Variants in IGF1R observed in about 807,000 individuals in gnomAD.
IGF1R encodes the protein insulin-like growth factor 1 receptor.
A neutral mutation model predicts 144.6 loss-of-function variants in IGF1R; 44 were observed. The observed-to-expected ratio is 0.30, with a 90% CI of 0.24 to 0.39. The LOEUF (loss-of-function observed/expected upper bound fraction) is 0.39, where lower values mean the gene tolerates loss of function less well. Among genes scored for constraint, IGF1R ranks in the 10% least tolerant of loss-of-function variants. The probability of loss-of-function intolerance (pLI) is 1.00; values close to 1 mark genes in which losing one functional copy is unlikely to be tolerated. For missense variants in IGF1R, 1,355 were observed against 1,833.7 expected (o/e 0.74, Z 4.77); for synonymous variants, 795 against 722.8 (o/e 1.10, Z -1.60).
chr15:98,650,012 G>C (rs965341335), intron 1 of IGF1R, among the ~76,000 whole-genome samples: 2 of 152,274 alleles, frequency 1.3e-5, no homozygotes, highest in African/African-American at 4.8e-5. Context: ...CGGTTCCCGG[G>C]CCCCGCGACC....
intron 2 of IGF1R, among the ~76,000 whole-genome samples, chr15:98,788,194 C>A (rs888463613): frequency 2.0e-5 from 3 of 152,044 alleles, no homozygotes; most frequent in African/African-American, 7.2e-5. Context: ...AATGGGTAGA[C>A]TCTAATCTGA....
chr15:98,840,786 C>T (rs773634401), intron 2 of IGF1R, among the ~76,000 whole-genome samples: 5 of 151,826 alleles, frequency 3.3e-5, no homozygotes, highest in African/African-American at 7.3e-5. Context: ...AGCAATTCTC[C>T]TGCCTCAACC....
At chr15:98,755,246 C>G (rs2055119400) in intron 2 of IGF1R, among the ~76,000 whole-genome samples, 1 of 151,890 alleles carries the variant, frequency 6.6e-6, no homozygotes, top group South Asian at 2.1e-4. Context: ...CAATTTAGGT[C>G]AGTTGCTGCG....
intron 2 of IGF1R, among the ~76,000 whole-genome samples, chr15:98,750,425 T>A (rs2054981362): frequency 1.3e-5 from 2 of 152,230 alleles, no homozygotes; most frequent in Admixed American, 6.5e-5. Flanking sequence ...TGCTCTGAGA[T>A]GTTTAGGGAT....
At chr15:98,728,242 C>G (rs1017090129) in intron 2 of IGF1R, among the ~76,000 whole-genome samples, 1 of 152,112 alleles carries the variant, frequency 6.6e-6, no homozygotes, top group African/African-American at 2.4e-5. Context: ...GGAGAAATCA[C>G]GCCTGTTGTT....
chr15:98,857,764 T>G (rs1434030869), intron 2 of IGF1R, among the ~76,000 whole-genome samples: 5 of 152,248 alleles, frequency 3.3e-5, no homozygotes, highest in African/African-American at 1.2e-4. Flanking sequence ...GGCTAATGGC[T>G]ACTGGACATC....
intron 15 of IGF1R, among the ~76,000 whole-genome samples, chr15:98,933,097 ACAGT>A (rs2016007562): frequency 1.3e-5 from 2 of 152,180 alleles, no homozygotes; most frequent in Non-Finnish European, 2.9e-5. Flanking sequence ...CCTCCTTCCC[ACAGT>A]CAGTGTGTGG....
chr15:98,802,780 C>T (rs867544015), intron 2 of IGF1R, among the ~76,000 whole-genome samples: 4 of 152,162 alleles, frequency 2.6e-5, no homozygotes, highest in African/African-American at 4.8e-5. Context: ...CATATATTAG[C>T]GGTCTTAAGT....
At chr15:98,758,583 C>T (rs2055216087) in intron 2 of IGF1R, among the ~76,000 whole-genome samples, 1 of 152,198 alleles carries the variant, frequency 6.6e-6, no homozygotes, top group South Asian at 2.1e-4. Flanking sequence ...TCCATGGAAG[C>T]CCCCCTTCCC....
intron 2 of IGF1R, among the ~76,000 whole-genome samples, chr15:98,866,323 G>T (rs900821832): frequency 1.3e-5 from 2 of 152,200 alleles, no homozygotes; most frequent in African/African-American, 4.8e-5. Context: ...GCAGCACGCT[G>T]CTTTCTTCCC....
intron 2 of IGF1R, among the ~76,000 whole-genome samples, chr15:98,716,966 C>T (rs1291943710): frequency 6.6e-6 from 1 of 152,180 alleles, no homozygotes; most frequent in Non-Finnish European, 1.5e-5. Flanking sequence ...CCTGTGCCTG[C>T]CCTCACTCTC....
chr15:98,861,370 T>C (rs953661481), intron 2 of IGF1R, among the ~76,000 whole-genome samples: 1 of 152,162 alleles, frequency 6.6e-6, no homozygotes, highest in Non-Finnish European at 1.5e-5. Context: ...CTAGTCCTTC[T>C]CTTTCACCAT....
intron 2 of IGF1R, among the ~76,000 whole-genome samples, chr15:98,836,780 TTGA>T (rs1351800163): frequency 6.6e-6 from 1 of 152,220 alleles, no homozygotes; most frequent in Admixed American, 6.5e-5. Flanking sequence ...TTTCATGACC[TTGA>T]TATTTTTGAA....
intron 2 of IGF1R, among the ~76,000 whole-genome samples, chr15:98,853,032 T>C (rs1436026760): frequency 6.6e-6 from 1 of 152,228 alleles, no homozygotes; most frequent in East Asian, 1.9e-4. Flanking sequence ...CAGATCGATT[T>C]TGATTAGCAA....
intron 2 of IGF1R, among the ~76,000 whole-genome samples, chr15:98,812,317 C>T (rs1283323078): frequency 1.3e-5 from 2 of 151,676 alleles, no homozygotes; most frequent in Non-Finnish European, 2.9e-5. Context: ...TGAGCTGTGT[C>T]ACCATTGTAT....
At chr15:98,740,392 C>G (rs1379521195) in intron 2 of IGF1R, among the ~76,000 whole-genome samples, 1 of 152,136 alleles carries the variant, frequency 6.6e-6, no homozygotes, top group Non-Finnish European at 1.5e-5. Flanking sequence ...TTTAACAGGT[C>G]AAGGATCTGA....
At chr15:98,712,434 GT>G (rs2054014323) in intron 2 of IGF1R, among the ~76,000 whole-genome samples, 1 of 151,862 alleles carries the variant, frequency 6.6e-6, no homozygotes, top group African/African-American at 2.4e-5. Flanking sequence ...AGGAATGTGG[GT>G]GTCCTTTGGA....
chr15:98,835,305 G>C (rs1234020651), intron 2 of IGF1R, among the ~76,000 whole-genome samples: 1 of 152,078 alleles, frequency 6.6e-6, no homozygotes, highest in Non-Finnish European at 1.5e-5. Flanking sequence ...ATGTGTAGGG[G>C]ACTAGATGGA....
chr15:98,736,204 C>A (rs1027578497), intron 2 of IGF1R, among the ~76,000 whole-genome samples: 1 of 152,212 alleles, frequency 6.6e-6, no homozygotes, highest in African/African-American at 2.4e-5. Context: ...GCTTCTGTCG[C>A]TGCTGCTGGT....
Sources: allele counts gnomAD v4.1 joint callset (sites outside exome capture counted in the v4.1 genomes callset), GRCh38; gene constraint gnomAD v4.1.1; transcripts MANE v1.5; gene names NCBI Gene and HGNC (gene_info 2026-07-23, HGNC 2026-07-21).